Variants in SBF2 observed in about 807,000 individuals in gnomAD.
SBF2 encodes the protein myotubularin-related protein 13.
In SBF2, 112 loss-of-function variants were observed where a neutral mutation model predicts 225.2. The observed-to-expected ratio is 0.50, with a 90% CI of 0.43 to 0.58. The LOEUF is 0.58. Among genes scored for constraint, SBF2 ranks in the 20% least tolerant of loss-of-function variants. The pLI, the probability that SBF2 is intolerant of heterozygous loss-of-function variation, is 0.00. For synonymous variants in SBF2, 763 were observed against 773.3 expected (o/e 0.99, Z 0.22); for missense variants, 1,996 against 2,206.2 (o/e 0.90, Z 1.91).
chr11:10,203,736 T>TA (rs1202189338), intron 1 of SBF2, among the ~76,000 whole-genome samples: 1 of 151,878 alleles, frequency 6.6e-6, no homozygotes, highest in Non-Finnish European at 1.5e-5. Context: ...AATATAAATG[T>TA]AAAAAATATA....
chr11:9,992,532 C>G lies in SBF2; in HGVS notation c.1179G>C (p.Leu393Phe). Residue 393 changes from leucine to phenylalanine, a missense_variant, in exon 12 of 40, where the codon TTG becomes TTC. Leu to Phe is a conservative substitution (Grantham distance 22, BLOSUM62 0). Coordinates refer to ENST00000256190, the MANE Select transcript of SBF2 (RefSeq NM_030962.4). Reference protein sequence around the residue: ...PVIHFHKTAFLGQRGLVENDF... With the variant: ...PVIHFHKTAFFGQRGLVENDF... ...CATTCTCGACCAAACCACGCTGCCC[C>G]AAGAATGCTGTCTGTGAAAAAAGAA... 6.2e-7 allele frequency: 1 copy of G among 1,611,426 alleles called. No homozygotes were observed. The highest frequency in any genetic ancestry group is 8.5e-7 in the Non-Finnish European group (1 of 1,178,790).
At chr11:9,933,918 A>T (rs1864689765) in intron 16 of SBF2, among the ~76,000 whole-genome samples, 1 of 152,150 alleles carries the variant, frequency 6.6e-6, no homozygotes, top group Admixed American at 6.5e-5. Flanking sequence ...TGCTAGCAAG[A>T]CTAATAAAGA....
intron 2 of SBF2, among the ~76,000 whole-genome samples, chr11:10,079,110 C>T (rs1244784999): frequency 6.6e-6 from 1 of 152,014 alleles, no homozygotes; most frequent in Non-Finnish European, 1.5e-5. Context: ...GACTGTTACC[C>T]CATATGCAAA....
intron 1 of SBF2, among the ~76,000 whole-genome samples, chr11:10,264,055 T>C (rs1446842977): frequency 6.6e-6 from 1 of 152,210 alleles, no homozygotes; most frequent in East Asian, 1.9e-4. Context: ...TACTAAGGAA[T>C]ATTTGTCAAC....
At chr11:10,235,524 T>A (rs1959034443) in intron 1 of SBF2, among the ~76,000 whole-genome samples, 1 of 134,210 alleles carries the variant, frequency 7.5e-6, no homozygotes. Flanking sequence ...CAAGACTCCA[T>A]CTCAAAAAAA....
intron 2 of SBF2, among the ~76,000 whole-genome samples, chr11:10,187,293 TCTC>T (rs527771951): frequency 4.0e-5 from 6 of 151,120 alleles, no homozygotes; most frequent in Admixed American, 2.6e-4. Flanking sequence ...TCTCTCTCTC[TCTC>T]CTTTTTCTCT....
At chr11:9,908,486 G>A (rs1394096588) in intron 16 of SBF2, among the ~76,000 whole-genome samples, 1 of 152,130 alleles carries the variant, frequency 6.6e-6, no homozygotes. Flanking sequence ...AATTAGCCAG[G>A]CGTGGTGGCG....
chr11:10,137,967 T>G (rs1006740356), intron 2 of SBF2, among the ~76,000 whole-genome samples: 3 of 152,052 alleles, frequency 2.0e-5, no homozygotes, highest in Non-Finnish European at 4.4e-5. Flanking sequence ...GCCATTGCAC[T>G]CCAGCCTGGG....
intron 9 of SBF2, 25 bp from the exon 10 acceptor site, chr11:9,994,023 TA>T: frequency 1.7e-6 from 2 of 1,163,770 alleles, no homozygotes; most frequent in Non-Finnish European, 2.6e-6. Context: ...TTTTGTTATG[TA>T]AAATATCATA....
chr11:10,148,248 G>C (rs1470933112), intron 2 of SBF2, among the ~76,000 whole-genome samples: 2 of 152,076 alleles, frequency 1.3e-5, no homozygotes, highest in African/African-American at 2.4e-5. Flanking sequence ...AGAATACTTG[G>C]TACATGGTCA....
At position 10,042,764 on chromosome 11, in the gene SBF2, G is replaced by T. The variant is rs1040212738; in HGVS notation, c.279+80C>A. The T allele has an allele frequency of 4.0e-6, 6 of 1,489,976 alleles. No individual in the cohort carries two copies. In the African/African-American group the frequency reaches 5.5e-5, roughly 14 times the overall value. The allele number at this position is 1,489,976 out of a possible 1,614,324, so 92.3% of individuals were successfully genotyped here. On this transcript the variant is annotated intron_variant, in intron 3 of 39. Coordinates refer to ENST00000256190, the MANE Select transcript of SBF2 (RefSeq NM_030962.4). ...GCCCATAAAACTCAAACTTGCAGTT[G>T]TAACAAAAATATGGCATATAAAAAA...
chr11:10,179,230 A>T (rs1956616814), intron 2 of SBF2, among the ~76,000 whole-genome samples: 1 of 151,696 alleles, frequency 6.6e-6, no homozygotes, highest in Admixed American at 6.6e-5. Flanking sequence ...GCATTGGGAG[A>T]TATATCTAAT....
intron 1 of SBF2, among the ~76,000 whole-genome samples, chr11:10,195,495 T>C (rs1003633417): frequency 6.6e-6 from 1 of 152,222 alleles, no homozygotes; most frequent in African/African-American, 2.4e-5. Context: ...TCATATGAAA[T>C]GAAGGCAACA....
At chr11:9,826,690 ATTAC>A (rs996241423) in intron 28 of SBF2, among the ~76,000 whole-genome samples, 2 of 151,392 alleles carry the variant, frequency 1.3e-5, no homozygotes, top group Non-Finnish European at 2.9e-5. Flanking sequence ...CAGAAACAAG[ATTAC>A]TTACTTAGTG....
At chr11:9,996,297 T>C (rs868151314) in intron 9 of SBF2, among the ~76,000 whole-genome samples, 12 of 152,246 alleles carry the variant, frequency 7.9e-5, no homozygotes, top group South Asian at 4.1e-4. Flanking sequence ...AAATACTACC[T>C]TCTCAGCTTT....
At chr11:10,076,766 A>G (rs1951132642) in intron 2 of SBF2, among the ~76,000 whole-genome samples, 1 of 152,170 alleles carries the variant, frequency 6.6e-6, no homozygotes, top group East Asian at 1.9e-4. Flanking sequence ...TCTTTGACAC[A>G]GCACCAGTTG....
chr11:10,051,709 G>A (rs545499227), intron 2 of SBF2, among the ~76,000 whole-genome samples: 84 of 152,000 alleles, frequency 5.5e-4, no homozygotes, highest in Middle Eastern at 3.4e-3. Context: ...ATAAAATACA[G>A]TAACATAGAC....
At chr11:9,883,897 C>A (rs1208031745) in intron 17 of SBF2, among the ~76,000 whole-genome samples, 1 of 152,134 alleles carries the variant, frequency 6.6e-6, no homozygotes, top group Admixed American at 6.5e-5. Flanking sequence ...CTCCCCCACG[C>A]CAGCCTGGAG....
chr11:9,878,179 G>A (rs1363691456), intron 17 of SBF2, among the ~76,000 whole-genome samples: 1 of 152,134 alleles, frequency 6.6e-6, no homozygotes, highest in Non-Finnish European at 1.5e-5. Flanking sequence ...GTGTCTGTTG[G>A]CTGCATAAAT....
Sources: allele counts gnomAD v4.1 joint callset (sites outside exome capture counted in the v4.1 genomes callset), GRCh38; gene constraint gnomAD v4.1.1; transcripts MANE v1.5; gene names NCBI Gene and HGNC (gene_info 2026-07-23, HGNC 2026-07-21).